The following PID1 variants were observed in gnomAD, a reference collection of about 807,000 sequenced individuals.
PID1 encodes PTB-containing, cubilin and LRP1-interacting protein.
In PID1, 10 loss-of-function variants were observed where a neutral mutation model predicts 19.1. The observed-to-expected ratio is 0.52, with a 90% CI of 0.32 to 0.89. The LOEUF is 0.89. Among genes scored for constraint, PID1 ranks in the 40% least tolerant of loss-of-function variants. The probability of loss-of-function intolerance (pLI) is 0.03; values close to 1 mark genes in which losing one functional copy is unlikely to be tolerated. For synonymous variants in PID1, 130 were observed against 116.0 expected (o/e 1.12, Z -0.78); for missense variants, 248 against 285.3 (o/e 0.87, Z 0.94).
chr2:229,165,175 T>G (rs986151587), intron 1 of PID1, among the ~76,000 whole-genome samples: 1 of 152,080 alleles, frequency 6.6e-6, no homozygotes, highest in African/African-American at 2.4e-5. Flanking sequence ...AAAAGGAAGA[T>G]TCAAAGGATC....
intron 1 of PID1, among the ~76,000 whole-genome samples, chr2:229,246,733 T>C (rs190372240): frequency 1.3e-4 from 20 of 152,284 alleles, no homozygotes; most frequent in African/African-American, 4.8e-4. Context: ...TGAAGCAAAA[T>C]GTCTCTGGCA....
chr2:229,077,327 T>A (rs1033984975), intron 2 of PID1, among the ~76,000 whole-genome samples: 1 of 152,198 alleles, frequency 6.6e-6, no homozygotes, highest in African/African-American at 2.4e-5. Context: ...TCTCCAACTC[T>A]GTAGGCTGCC....
chr2:229,176,927 A>G (rs1690835344), intron 1 of PID1, among the ~76,000 whole-genome samples: 1 of 152,218 alleles, frequency 6.6e-6, no homozygotes, highest in Non-Finnish European at 1.5e-5. Context: ...CTATTTCCAC[A>G]TGCTGATAGA....
At chr2:229,082,919 G>T (rs1161681419) in intron 2 of PID1, among the ~76,000 whole-genome samples, 2 of 152,062 alleles carry the variant, frequency 1.3e-5, no homozygotes, top group South Asian at 4.1e-4. Flanking sequence ...GCATTAATTT[G>T]TTATAGTGGC....
At chr2:229,027,840 T>A (rs867257325) in intron 2 of PID1, among the ~76,000 whole-genome samples, 2 of 152,152 alleles carry the variant, frequency 1.3e-5, no homozygotes, top group African/African-American at 4.8e-5. Context: ...TGGATAAAAA[T>A]AGGCTGACCT....
rs367923009 is a variant in PID1, at chr2:229,025,407, C to T, written c.*225G>A. 22 of 553,364 alleles carry T rather than the reference C, an allele frequency of 4.0e-5. No individual in the cohort carries two copies. Among genetic ancestry groups the T allele is most frequent in the African/African-American group, 3.6e-4 (19 of 53,032 alleles). The allele number at this position is 553,364 out of a possible 1,614,324, so 34.3% of individuals were successfully genotyped here. On this transcript the variant is annotated 3_prime_UTR_variant, in exon 3 of 3. Coordinates refer to ENST00000392055, the MANE Select transcript of PID1 (RefSeq NM_001100818.2). ...AGAGCCTAGAACCTTCCTCCCCATC[C>T]ACACTCCCACCCTCCTCACAGTCAC... is the stretch of plus-strand genomic sequence containing the variant.
chr2:229,186,569 C>T (rs984545632), intron 1 of PID1, among the ~76,000 whole-genome samples: 4 of 152,250 alleles, frequency 2.6e-5, no homozygotes, highest in African/African-American at 9.6e-5. Flanking sequence ...CCCTTTCAGT[C>T]ACAGCTGGAG....
rs1553559154 is a variant in PID1 at position 229,069,143 on chromosome 2, T to TGTGTGTGTGTGTGTG, written c.178-43036_178-43035insCACACACACACACAC. Among the ~76,000 whole-genome samples, 111 of 140,702 alleles carry TGTGTGTGTGTGTGTG rather than the reference T, an allele frequency of 7.9e-4. 1 individual carries two copies. Among genetic ancestry groups the TGTGTGTGTGTGTGTG allele is most frequent in the African/African-American group, 1.5e-3 (55 of 37,564 alleles). The allele number at this position is 140,702 out of a possible 152,430, so 92.3% of individuals were successfully genotyped here. A position where few individuals can be genotyped will look rare whatever the true frequency, so the allele number is the denominator to read the frequency against. ...TTCCTTTCTTTAACGAGAAGGGTTT[T>TGTGTGTGTGTGTGTG]TGTGTGTGTGTGTGTGTGTGTGTGT... is the stretch of plus-strand genomic sequence containing the variant. On this transcript the variant is annotated intron_variant, in intron 2 of 2. Transcript: ENST00000392055.
intron 1 of PID1, among the ~76,000 whole-genome samples, chr2:229,233,338 C>T (rs1226580121): frequency 2.0e-5 from 3 of 151,818 alleles, no homozygotes; most frequent in Admixed American, 6.6e-5. Flanking sequence ...TAAAGGCCAG[C>T]TGGCATGTCA....
In PID1 at chr2:229,092,567, A is replaced by G. The variant is rs112095869; in HGVS notation, c.177+63251T>C. Among the ~76,000 whole-genome samples, 633 of 152,258 alleles carry G rather than the reference A, an allele frequency of 4.2e-3. 2 individuals are homozygous for G. Among genetic ancestry groups the G allele is most frequent in the African/African-American group, 0.014 (599 of 41,552 alleles). On this transcript the variant is annotated intron_variant, in intron 2 of 2. Transcript: ENST00000392055. ...GTCCAGTTTCTCACTCAACTAAACT[A>G]CTAGGGACTGTGCATGATGACTAAG...
chr2:229,179,723 C>T (rs1346091919), intron 1 of PID1, among the ~76,000 whole-genome samples: 1 of 152,154 alleles, frequency 6.6e-6, no homozygotes, highest in Non-Finnish European at 1.5e-5. Context: ...TCGCCAGATA[C>T]AAAGTAAATG....
intron 2 of PID1, among the ~76,000 whole-genome samples, chr2:229,082,146 A>T (rs1185401757): frequency 6.6e-6 from 1 of 152,240 alleles, no homozygotes; most frequent in Non-Finnish European, 1.5e-5. Context: ...ACTCAGAGTA[A>T]CTGCTCAAGT....
chr2:229,265,993 T>C (rs922246458), intron 1 of PID1, among the ~76,000 whole-genome samples: 2 of 152,178 alleles, frequency 1.3e-5, no homozygotes, highest in African/African-American at 4.8e-5. Flanking sequence ...TGCAAATCGC[T>C]TGAAAGAGAT....
intron 2 of PID1, among the ~76,000 whole-genome samples, chr2:229,040,327 A>C (rs936231312): frequency 3.3e-5 from 5 of 151,886 alleles, no homozygotes; most frequent in African/African-American, 4.8e-5. Flanking sequence ...CAACAAACAA[A>C]CAAACAAACA....
chr2:229,245,721 G>A (rs546891110), intron 1 of PID1, among the ~76,000 whole-genome samples: 1 of 152,180 alleles, frequency 6.6e-6, no homozygotes, highest in South Asian at 2.1e-4. Flanking sequence ...AAGCTAATGA[G>A]GTAGATTTTA....
At chr2:229,187,243 C>G (rs1361689715) in intron 1 of PID1, among the ~76,000 whole-genome samples, 1 of 152,192 alleles carries the variant, frequency 6.6e-6, no homozygotes, top group Non-Finnish European at 1.5e-5. Flanking sequence ...TTACCCAGTT[C>G]CAAAGTCACT....
chr2:229,047,173 T>A (rs1405524903), intron 2 of PID1, among the ~76,000 whole-genome samples: 3 of 152,180 alleles, frequency 2.0e-5, no homozygotes, highest in African/African-American at 7.2e-5. Flanking sequence ...GTAACACCAA[T>A]GTTCATGCCA....
intron 1 of PID1, among the ~76,000 whole-genome samples, chr2:229,251,235 C>A (rs1253016845): frequency 6.6e-6 from 1 of 151,130 alleles, no homozygotes; most frequent in Non-Finnish European, 1.5e-5. Context: ...ATAAAGCACA[C>A]AAGATTTGAA....
intron 2 of PID1, among the ~76,000 whole-genome samples, chr2:229,061,709 T>G (rs13405337): frequency 0.07 from 10,619 of 152,022 alleles, 1,247 homozygotes; most frequent in African/African-American, 0.24. Flanking sequence ...AGTATGGAGA[T>G]TTTAATAATA....
Sources: gnomAD v4.1 joint callset for allele counts (sites outside exome capture counted in the v4.1 genomes callset) on GRCh38, gnomAD v4.1.1 for gene constraint, MANE v1.5 for transcripts, NCBI Gene and HGNC (gene_info 2026-07-23, HGNC 2026-07-21) for gene names.